The following CDKL5 variants were observed in gnomAD, a reference collection of about 807,000 sequenced individuals.
The protein encoded by CDKL5 is cyclin-dependent kinase-like 5.
CDKL5 carries 8 observed loss-of-function variants against 61.7 expected under a neutral mutation model. The ratio of observed to expected loss-of-function variants is 0.13; its 90% confidence interval spans 0.08 to 0.23. The LOEUF (loss-of-function observed/expected upper bound fraction) is 0.23. CDKL5 is among the 10% of genes least tolerant of loss of function. The pLI, the probability that CDKL5 is intolerant of heterozygous loss-of-function variation, is 1.00. For synonymous variants in CDKL5, 275 were observed against 272.3 expected (o/e 1.01, Z -0.10); for missense variants, 440 against 734.5 (o/e 0.60, Z 4.63).
At chrX:18,576,793 A>AATAAAACT (rs1213409723) in intron 5 of CDKL5, among the ~76,000 whole-genome samples, 21 of 109,612 alleles carry the variant, frequency 1.9e-4, no homozygotes, top group African/African-American at 7.0e-4. Flanking sequence ...TCCACACCAA[A>AATAAAACT]ATAAAACTAA....
At chrX:18,480,652 T>G (rs1186519449) in intron 1 of CDKL5, among the ~76,000 whole-genome samples, 2 of 111,272 alleles carry the variant, frequency 1.8e-5, no homozygotes, top group African/African-American at 6.5e-5. Context: ...ATTTACTTAT[T>G]TAAAAAATCA....
intron 13 of CDKL5, among the ~76,000 whole-genome samples, chrX:18,609,153 G>A (rs1926459163): frequency 9.0e-6 from 1 of 111,589 alleles, no homozygotes; most frequent in African/African-American, 3.3e-5. Flanking sequence ...AGCACTTTGG[G>A]AGGCTGAGGT....
Position 18,628,553 on chromosome X carries a change from C to T in CDKL5, c.2679C>T (p.Pro893=), listed in dbSNP as rs777919249. ...GGAGCAGCAACATCCGGCAGGAACC[C>T]GCACCGAAGGGCAGGCCAGCCCTCC... ...SGGSSNIRQE[P]APKGRPALQL... Residue 893 remains proline (P), a synonymous_variant, in exon 18 of 18, where the codon CCC becomes CCT. Transcript: ENST00000623535. 4 of 1,210,250 alleles carry T rather than the reference C, an allele frequency of 3.3e-6. No homozygotes were observed. The highest frequency in any genetic ancestry group is 2.2e-5 in the Admixed American group (1 of 45,831).
chrX:18,539,360 C>G (rs1006984804), intron 3 of CDKL5, among the ~76,000 whole-genome samples: 2 of 111,894 alleles, frequency 1.8e-5, no homozygotes, highest in Non-Finnish European at 3.8e-5. Flanking sequence ...ATTTCCCTCT[C>G]AATACTGCTT....
intron 3 of CDKL5, among the ~76,000 whole-genome samples, chrX:18,537,157 C>G (rs919927705): frequency 2.7e-5 from 3 of 110,938 alleles, no homozygotes; most frequent in African/African-American, 9.8e-5. Flanking sequence ...AGTCTCTTGG[C>G]TAAATTTCCT....
At chrX:18,652,632 G>A (rs1283242669) in intron 21 of CDKL5, among the ~76,000 whole-genome samples, 2 of 110,077 alleles carry the variant, frequency 1.8e-5, no homozygotes, top group African/African-American at 6.7e-5. Context: ...TCGTGCCACT[G>A]CACTCCAGCT....
intron 3 of CDKL5, among the ~76,000 whole-genome samples, chrX:18,520,829 C>T (rs954801670): frequency 8.9e-6 from 1 of 111,823 alleles, no homozygotes; most frequent in Non-Finnish European, 1.9e-5. Flanking sequence ...CTCCGCCTCC[C>T]AGGTTCGAGT....
intron 9 of CDKL5, among the ~76,000 whole-genome samples, chrX:18,591,499 G>A (rs183930255): frequency 1.6e-3 from 177 of 109,929 alleles, no homozygotes; most frequent in African/African-American, 5.1e-3. Context: ...TAGATCCCCC[G>A]ATCTTTCTCT....
chrX:18,462,738 T>C (rs183922600), intron 1 of CDKL5, among the ~76,000 whole-genome samples: 13 of 111,694 alleles, frequency 1.2e-4, no homozygotes, highest in Non-Finnish European at 2.1e-4. Context: ...TAAAAGATAC[T>C]GGAGGCCGGG....
rs1299603139 is a variant in CDKL5 at position 18,634,693 on chromosome X, T to C, written c.*5936T>C. 1.3e-6 allele frequency: 1 copy of C among 750,939 alleles called. No homozygotes were observed. Among genetic ancestry groups the C allele is most frequent in the Non-Finnish European group, 1.6e-6 (1 of 638,373 alleles). The allele number at this position is 750,939 out of a possible 1,213,427, so 61.9% of individuals were successfully genotyped here. A position where few individuals can be genotyped will look rare whatever the true frequency, so the allele number is the denominator to read the frequency against. On this transcript the variant is annotated 3_prime_UTR_variant, in exon 18 of 18. Transcript: ENST00000623535. ...TCAGGCTAGAGGGGTAATACGGTGA[T>C]TAAAAGAAGTAAATTCTCACTGTAA...
At chrX:18,532,376 GT>G (rs200763949) in intron 3 of CDKL5, among the ~76,000 whole-genome samples, 114 of 100,846 alleles carry the variant, frequency 1.1e-3, no homozygotes, top group Admixed American at 3.9e-3. Flanking sequence ...CTACAGCATT[GT>G]TTTTTTTTTT....
chrX:18,505,408 C>T (rs906789633), intron 1 of CDKL5, among the ~76,000 whole-genome samples: 4 of 112,167 alleles, frequency 3.6e-5, no homozygotes, highest in African/African-American at 1.3e-4. Context: ...ATCAATTGTT[C>T]TTCATAGCGA....
intron 1 of CDKL5, among the ~76,000 whole-genome samples, chrX:18,500,204 A>G (rs1922333044): frequency 8.9e-6 from 1 of 111,857 alleles, no homozygotes; most frequent in African/African-American, 3.2e-5. Flanking sequence ...TATGGGATAC[A>G]TGTTATATTT....
exon 22 of CDKL5, chrX:18,653,433 G>A (rs775556155): frequency 8.3e-7 from 1 of 1,209,122 alleles, no homozygotes; most frequent in African/African-American, 1.8e-5. Flanking sequence ...GCTTTCCAGG[G>A]TTCTCTTTCT....
chrX:18,512,347 A>G lies in CDKL5; in HGVS notation c.99+1493A>G, dbSNP rs753232726. ...ATTTAAACTCTTGAATCTGTCGTCT[A>G]TTGAAAATAATGTATGTGTGTGTAT... On this transcript the variant is annotated intron_variant, in intron 3 of 17. Coordinates refer to ENST00000623535, the MANE Select transcript of CDKL5 (RefSeq NM_001323289.2). 2.7e-5 allele frequency among the ~76,000 whole-genome samples: 3 copies of G among 111,748 alleles called. No homozygotes were observed. In the Admixed American group the frequency reaches 2.9e-4, roughly 11 times the overall value.
In CDKL5 at chrX:18,631,814, T is replaced by C; in HGVS notation, c.*3057T>C. ...GTTGGTCTTGCTCTAAAATTTAGCCTCTTTCTAGAGCCCAAGACCAAAAGG... is the reference window on the plus strand; with the variant it reads ...GTTGGTCTTGCTCTAAAATTTAGCCCCTTTCTAGAGCCCAAGACCAAAAGG... On this transcript the variant is annotated 3_prime_UTR_variant, in exon 18 of 18. Coordinates refer to ENST00000623535, the MANE Select transcript of CDKL5 (RefSeq NM_001323289.2). 1.3e-6 allele frequency: 1 copy of C among 753,805 alleles called. No individual in the cohort carries two copies. Among genetic ancestry groups the C allele is most frequent in the Non-Finnish European group, 1.6e-6 (1 of 638,894 alleles). The allele number at this position is 753,805 out of a possible 1,213,427, so 62.1% of individuals were successfully genotyped here.
chrX:18,465,031 A>T (rs1434878169), intron 1 of CDKL5, among the ~76,000 whole-genome samples: 1 of 111,954 alleles, frequency 8.9e-6, no homozygotes. Flanking sequence ...TCTATATTAT[A>T]TTTAAGGAGC....
intron 1 of CDKL5, among the ~76,000 whole-genome samples, chrX:18,494,115 C>T (rs772648397): frequency 8.9e-6 from 1 of 112,283 alleles, no homozygotes; most frequent in South Asian, 3.7e-4. Flanking sequence ...AGGGTTTTGC[C>T]ATGTTGCCCA....
intron 1 of CDKL5, among the ~76,000 whole-genome samples, chrX:18,494,819 G>T (rs1922113217): frequency 9.0e-6 from 1 of 111,726 alleles, no homozygotes; most frequent in Non-Finnish European, 1.9e-5. Flanking sequence ...TAATAAGGGG[G>T]GACTGAATTA....
Sources: gnomAD v4.1 joint callset for allele counts (sites outside exome capture counted in the v4.1 genomes callset) on GRCh38, gnomAD v4.1.1 for gene constraint, MANE v1.5 for transcripts, NCBI Gene and HGNC (gene_info 2026-07-23, HGNC 2026-07-21) for gene names.